Variants in MED16 observed in about 807,000 individuals in gnomAD.
MED16 encodes the protein mediator complex subunit 16.
In MED16, 81 loss-of-function variants were observed where a neutral mutation model predicts 84.4. The ratio of observed to expected loss-of-function variants is 0.96; its 90% CI spans 0.80 to 1.15. The LOEUF is 1.15. Ranked by LOEUF, MED16 falls within the 50% of genes most tolerant of loss-of-function variation. The pLI is 0.00. For synonymous variants in MED16, 897 were observed against 552.2 expected (o/e 1.62, Z -8.76); for missense variants, 1,585 against 1,245.9 (o/e 1.27, Z -4.10).
In MED16 at chr19:890,097, C is replaced by G. The variant is rs1331904866; in HGVS notation, c.277+40G>C. ...ACACAGGGCCCCCCTGCTCCGGGAT[C>G]CGGGTCGCCACCCCTGGCCACGTGG... On this transcript the variant is annotated intron_variant, in intron 3 of 15. Transcript: ENST00000325464. 5 of 1,452,492 alleles carry G rather than the reference C, an allele frequency of 3.4e-6. No homozygotes were observed. The East Asian group carries it at 9.9e-5, about 29-fold the overall frequency. The allele number at this position is 1,452,492 out of a possible 1,614,324, so 90.0% of individuals were successfully genotyped here.
intron 11 of MED16, among the ~76,000 whole-genome samples, chr19:872,393 C>T (rs1211792421): frequency 2.6e-5 from 4 of 152,008 alleles, no homozygotes; most frequent in African/African-American, 7.3e-5. Context: ...GGCCAATATC[C>T]CCACCTGCAC....
intron 11 of MED16, 150 bp from the exon 12 acceptor site, chr19:872,268 CGA>C (rs1170028651): frequency 1.6e-6 from 1 of 638,068 alleles, no homozygotes; most frequent in Non-Finnish European, 2.6e-6. Flanking sequence ...CTTCTGGCAC[CGA>C]GTGGGTGGAT....
chr19:885,097 A>T, intron 5 of MED16, 89 bp from the exon 6 acceptor site: 1 of 981,092 alleles, frequency 1.0e-6, no homozygotes, highest in Non-Finnish European at 1.5e-6. Flanking sequence ...CCCTGGGGCC[A>T]CGCACTGCTG....
intron 6 of MED16, among the ~76,000 whole-genome samples, chr19:884,661 G>T (rs1025986346): frequency 1.3e-5 from 2 of 152,222 alleles, no homozygotes; most frequent in African/African-American, 2.4e-5. Flanking sequence ...CGCACAGAAT[G>T]GTGGCAGCCG....
At chr19:871,723 CG>C (rs893968462) in intron 12 of MED16, 5 of 874,714 alleles carry the variant, frequency 5.7e-6, no homozygotes, top group Non-Finnish European at 6.2e-6. Context: ...TATGTTCTGG[CG>C]GGGGGCTCAG....
chr19:873,437 A>G lies in MED16; in HGVS notation c.1905+12T>C, dbSNP rs946001864. On this transcript the variant is annotated intron_variant, in intron 11 of 15. Transcript: ENST00000325464. ...GGTGGGGGGCGGGGCCTTAGGGGAG[A>G]GCATGGCGCACCTGGTTGGGTAGGC... is the stretch of plus-strand genomic sequence containing the variant. 6.2e-7 allele frequency: 1 copy of G among 1,604,592 alleles called. No individual in the cohort carries two copies. The highest frequency in any genetic ancestry group is 2.2e-5 in the East Asian group (1 of 44,778).
At chr19:868,561 C>T in intron 14 of MED16, 62 bp from the exon 15 acceptor site, 1 of 1,582,574 alleles carries the variant, frequency 6.3e-7, no homozygotes, top group Non-Finnish European at 8.5e-7. Context: ...TACGCCTGCC[C>T]CACTTTTGCT....
rs35542830 is a variant in MED16 at position 886,082 on chromosome 19, G to A, written c.567C>T (p.Thr189=). 1.1e-3 allele frequency: 1,833 copies of A among 1,594,486 alleles called. 15 individuals are homozygous for A. In the Admixed American group the frequency reaches 0.016, roughly 14 times the overall value. ...GCCCGCTGGGCTTCAGCAGGGACACGGTGACCAGGCCGCTGACCGTCACCG... is the reference window on the plus strand; with the variant it reads ...GCCCGCTGGGCTTCAGCAGGGACACAGTGACCAGGCCGCTGACCGTCACCG... The part of the protein sequence containing the change: ...WIAVTVSGLV[T]VSLLKPSGQV... Residue 189 remains threonine (T), a synonymous_variant, in exon 5 of 16, where the codon ACC becomes ACT. Transcript: ENST00000325464.
rs529701381 is a variant in MED16 at position 878,086 on chromosome 19, C to T, written c.1354-906G>A. Among the ~76,000 whole-genome samples the T allele has an allele frequency of 2.7e-4, 38 of 138,376 alleles. 1 individual carries two copies. The highest frequency in any genetic ancestry group is 9.5e-4 in the African/African-American group (35 of 36,968). 90.8% of individuals were successfully genotyped at this position (138,376 alleles called of 152,430 possible). A position where few individuals can be genotyped will look rare whatever the true frequency, so the allele number is the denominator to read the frequency against. ...TCCCCTGGCTGTCAATGCCCCCCAG[C>T]CCCAGCCCCAGCGCCACGTGCCCCA... On this transcript the variant is annotated intron_variant, in intron 8 of 15. Transcript: ENST00000325464.
intron 6 of MED16, among the ~76,000 whole-genome samples, chr19:882,171 C>CCAACAGGGCA (rs1335968223): frequency 2.0e-5 from 3 of 152,248 alleles, no homozygotes; most frequent in Non-Finnish European, 4.4e-5. Flanking sequence ...GCAGCTCCTC[C>CCAACAGGGCA]CAACAGGGCA....
At chr19:879,779 C>T (rs1599332340) in intron 8 of MED16, among the ~76,000 whole-genome samples, 158 bp downstream of exon 8, 1 of 150,532 alleles carries the variant, frequency 6.6e-6, no homozygotes, top group Admixed American at 6.6e-5. Context: ...GCCCCACGTG[C>T]CCCAGCAGCT....
chr19:871,590 G>C (rs573901658), intron 12 of MED16: 1 of 1,596,020 alleles, frequency 6.3e-7, no homozygotes, highest in Non-Finnish European at 8.5e-7. Flanking sequence ...GACAAGGAGA[G>C]ACAGCAAACA....
In MED16 at chr19:873,518, C is replaced by T. The variant is rs746759405; in HGVS notation, c.1836G>A (p.Gln612=). The T allele has an allele frequency of 3.7e-5, 59 of 1,612,144 alleles. No individual in the cohort carries two copies. The highest frequency in any genetic ancestry group is 4.8e-5 in the Non-Finnish European group (57 of 1,179,700). The change falls in exon 11 of 16, where the codon CAG becomes CAA. Residue 612 remains glutamine (Q), a synonymous_variant. Coordinates refer to ENST00000325464, the MANE Select transcript of MED16 (RefSeq NM_005481.3). ...EEFVLDMNTL[Q]ALQQLLQWVG... ...CCCACTGCAAGAGCTGCTGCAGCGCCTGCAGTGTGTTCATGTCCAGCACAA... is the reference window on the plus strand; with the variant it reads ...CCCACTGCAAGAGCTGCTGCAGCGCTTGCAGTGTGTTCATGTCCAGCACAA...
intron 12 of MED16, 126 bp from the exon 13 acceptor site, chr19:871,379 T>C: frequency 7.6e-7 from 1 of 1,317,554 alleles, no homozygotes; most frequent in Admixed American, 2.4e-5. Context: ...TCTGCCTGGC[T>C]GGGTGACCCC....
In MED16 at chr19:868,865, G is replaced by C. The variant is rs144469187; in HGVS notation, c.2397C>G (p.Thr799=). The change falls in exon 14 of 16, where the codon ACC becomes ACG. Residue 799 remains threonine, a splice_region_variant and synonymous_variant. Transcript: ENST00000325464. ...ACPTEECKAC[T]RCGCVTMLKS... ...CAGCGGTTCCGGGGGCCCCTCACCT[G>C]GTGCAGGCCTTGCATTCCTCCGTGG... The C allele has an allele frequency of 6.5e-7, 1 of 1,548,416 alleles. No homozygotes were observed. Among genetic ancestry groups the C allele is most frequent in the Non-Finnish European group, 8.7e-7 (1 of 1,148,800 alleles).
Position 871,225 on chromosome 19 carries a change from C to T in MED16, c.2127G>A (p.Pro709=), listed in dbSNP as rs376670615. 783 of 1,542,780 alleles carry T rather than the reference C, an allele frequency of 5.1e-4. 1 individual carries two copies. Among genetic ancestry groups the T allele is most frequent in the Middle Eastern group, 1.2e-3 (7 of 5,924 alleles). ...CCRDEGPASE[P]DEALVDECCL... ...AGCATTCATCCACCAGCGCCTCGTC[C>T]GGCTCGCTCGCTGGGCCCTCATCGC... The change falls in exon 13 of 16, where the codon CCG becomes CCA. Residue 709 remains proline, a synonymous_variant. Transcript: ENST00000325464.
At chr19:870,546 G>C (rs183232687) in intron 13 of MED16, among the ~76,000 whole-genome samples, 3 of 147,806 alleles carry the variant, frequency 2.0e-5, no homozygotes, top group Non-Finnish European at 4.5e-5. Flanking sequence ...GGGCAACAGA[G>C]TGAGACCCTG....
intron 13 of MED16, among the ~76,000 whole-genome samples, chr19:870,743 G>A (rs1175594969): frequency 1.3e-5 from 2 of 151,758 alleles, no homozygotes; most frequent in African/African-American, 4.8e-5. Context: ...GGATTCGGGG[G>A]GGTCCTGGGG....
chr19:871,102 C>T lies in MED16; in HGVS notation c.2250G>A (p.Leu750=). Residue 750 remains leucine, a synonymous_variant, in exon 13 of 16, where the codon CTG becomes CTA. Coordinates refer to ENST00000325464, the MANE Select transcript of MED16 (RefSeq NM_005481.3). ...SRLQPKQPLR[L]QFGRAPTLPG... Reference sequence around the variant, plus strand: ...GCAGCGTGGGCGCCCGGCCAAACTGCAGACGAAGGGGCTGCTTGGGCTGCA... The same window carrying T: ...GCAGCGTGGGCGCCCGGCCAAACTGTAGACGAAGGGGCTGCTTGGGCTGCA... 3 of 1,548,468 alleles carry T rather than the reference C, an allele frequency of 1.9e-6. No individual in the cohort carries two copies. The highest frequency in any genetic ancestry group is 4.9e-5 in the East Asian group (2 of 40,872).
Sources: allele counts gnomAD v4.1 joint callset (sites outside exome capture counted in the v4.1 genomes callset), GRCh38; gene constraint gnomAD v4.1.1; transcripts MANE v1.5; gene names NCBI Gene and HGNC (gene_info 2026-07-23, HGNC 2026-07-21).